CDK14: variants seen among roughly 807,000 people sequenced by gnomAD.
CDK14 encodes cyclin-dependent kinase 14.
Under a neutral mutation model 60.7 loss-of-function variants are expected in CDK14, and 34 were observed. That is an observed-to-expected ratio of 0.56 (90% CI 0.43 to 0.75). The LOEUF is 0.75. Among genes scored for constraint, CDK14 ranks in the 30% least tolerant of loss-of-function variants. The pLI is 0.00. For synonymous variants in CDK14, 197 were observed against 203.7 expected (o/e 0.97, Z 0.28); for missense variants, 482 against 564.1 (o/e 0.85, Z 1.47).
intron 4 of CDK14, among the ~76,000 whole-genome samples, chr7:90,771,160 A>G (rs1277301044): frequency 6.6e-6 from 1 of 152,124 alleles, no homozygotes; most frequent in Admixed American, 6.6e-5. Context: ...GTTGACCCTA[A>G]TCTTTCTTTC....
intron 10 of CDK14, among the ~76,000 whole-genome samples, chr7:91,037,370 C>A (rs1372674638): frequency 6.6e-6 from 1 of 152,104 alleles, no homozygotes; most frequent in Non-Finnish European, 1.5e-5. Flanking sequence ...TACATGTACA[C>A]CTGCATCACA....
intron 5 of CDK14, among the ~76,000 whole-genome samples, chr7:90,848,087 A>G (rs1790525254): frequency 6.6e-6 from 1 of 151,976 alleles, no homozygotes; most frequent in Admixed American, 6.6e-5. Context: ...GGGGTCTGTC[A>G]AGGCATAAGC....
At chr7:91,025,741 T>C (rs1378102961) in intron 10 of CDK14, among the ~76,000 whole-genome samples, 1 of 152,250 alleles carries the variant, frequency 6.6e-6, no homozygotes, top group African/African-American at 2.4e-5. Flanking sequence ...GTGCACTGCC[T>C]GTGCCTGTCT....
intron 5 of CDK14, among the ~76,000 whole-genome samples, chr7:90,831,485 G>A (rs1789908504): frequency 6.6e-6 from 1 of 152,144 alleles, no homozygotes; most frequent in African/African-American, 2.4e-5. Flanking sequence ...AGATTTGGGT[G>A]GAGACACAGA....
At chr7:91,066,028 C>T (rs970821690) in intron 11 of CDK14, among the ~76,000 whole-genome samples, 1 of 152,152 alleles carries the variant, frequency 6.6e-6, no homozygotes, top group African/African-American at 2.4e-5. Context: ...GATGATGAAG[C>T]GCCCTTCAGT....
intron 11 of CDK14, among the ~76,000 whole-genome samples, chr7:91,058,644 T>G: frequency 6.6e-6 from 1 of 152,258 alleles, no homozygotes; most frequent in Admixed American, 6.5e-5. Context: ...AGGCTTTTTC[T>G]GCATCTATTG....
At chr7:90,828,147 G>A (rs1789787952) in intron 5 of CDK14, among the ~76,000 whole-genome samples, 1 of 152,154 alleles carries the variant, frequency 6.6e-6, no homozygotes, top group African/African-American at 2.4e-5. Context: ...AAATAATTAT[G>A]TCTGTATTTA....
chr7:90,711,343 G>T (rs1477479071), intron 2 of CDK14, among the ~76,000 whole-genome samples: 3 of 151,960 alleles, frequency 2.0e-5, no homozygotes, highest in Non-Finnish European at 4.4e-5. Flanking sequence ...TCCAAAGATA[G>T]ATCAAATTTA....
intron 6 of CDK14, among the ~76,000 whole-genome samples, chr7:90,884,873 G>A (rs7788364): frequency 0.56 from 85,835 of 151,934 alleles, 24,503 homozygotes; most frequent in East Asian, 0.73. Flanking sequence ...GGAAAAACTG[G>A]CTAGCCATAT....
intron 12 of CDK14, among the ~76,000 whole-genome samples, chr7:91,110,843 C>T (rs2116347133): frequency 6.6e-6 from 1 of 152,198 alleles, no homozygotes; most frequent in East Asian, 1.9e-4. Context: ...ATGAACTGTA[C>T]ATTCAATATA....
chr7:91,106,944 T>C (rs1799320648), intron 12 of CDK14, among the ~76,000 whole-genome samples: 1 of 152,208 alleles, frequency 6.6e-6, no homozygotes, highest in Non-Finnish European at 1.5e-5. Flanking sequence ...AGGTGAACTA[T>C]AGAAAGTCAT....
chr7:90,672,924 T>C (rs1029685845), intron 2 of CDK14, among the ~76,000 whole-genome samples: 13 of 152,188 alleles, frequency 8.5e-5, no homozygotes, highest in African/African-American at 3.1e-4. Context: ...TGTTTTACTA[T>C]TACAGAGGAA....
chr7:90,680,489 A>T (rs1439007737), intron 2 of CDK14, among the ~76,000 whole-genome samples: 3 of 152,232 alleles, frequency 2.0e-5, no homozygotes, highest in African/African-American at 7.2e-5. Context: ...ATTTAAAGTC[A>T]TGATGTAAAA....
chr7:90,796,835 G>A (rs1788453390), intron 5 of CDK14, among the ~76,000 whole-genome samples: 1 of 151,884 alleles, frequency 6.6e-6, no homozygotes, highest in Non-Finnish European at 1.5e-5. Flanking sequence ...TAGTATATAT[G>A]TACCATGGTC....
At chr7:90,731,905 C>A (rs1165302109) in intron 3 of CDK14, among the ~76,000 whole-genome samples, 1 of 151,930 alleles carries the variant, frequency 6.6e-6, no homozygotes, top group South Asian at 2.1e-4. Flanking sequence ...AGAGGGCATC[C>A]TTGTCTTGTG....
chr7:90,710,494 T>C (rs1325187554), intron 2 of CDK14: 1 of 985,214 alleles, frequency 1.0e-6, no homozygotes, highest in Non-Finnish European at 1.2e-6. Flanking sequence ...TCCTCCCTGC[T>C]CATCCTATTT....
At chr7:91,150,424 G>A (rs1215639588) in intron 14 of CDK14, among the ~76,000 whole-genome samples, 1 of 152,030 alleles carries the variant, frequency 6.6e-6, no homozygotes, top group East Asian at 1.9e-4. Context: ...ATTTCAAACA[G>A]TTGTGATTTT....
chr7:90,948,160 A>G (rs1463355474), intron 8 of CDK14, among the ~76,000 whole-genome samples: 3 of 152,210 alleles, frequency 2.0e-5, no homozygotes, highest in African/African-American at 2.4e-5. Context: ...CAGCATCATT[A>G]TGGAAATTCA....
rs564269764 is a variant in CDK14, at chr7:90,811,958, C to T, written c.544+21306C>T. ...GTTAGAATTGCGATCATTAAAAAGT[C>T]AGGAAACAACAGGTGCTGGAGAGGA... is the stretch of plus-strand genomic sequence containing the variant. On this transcript the variant is annotated intron_variant, in intron 5 of 14. Transcript: ENST00000380050. Among the ~76,000 whole-genome samples, 583 of 152,286 alleles carry T rather than the reference C, an allele frequency of 3.8e-3. 3 individuals are homozygous for T. The highest frequency in any genetic ancestry group is 6.2e-3 in the Admixed American group (95 of 15,286).
Sources: gnomAD v4.1 joint callset for allele counts (sites outside exome capture counted in the v4.1 genomes callset) on GRCh38, gnomAD v4.1.1 for gene constraint, MANE v1.5 for transcripts, NCBI Gene and HGNC (gene_info 2026-07-23, HGNC 2026-07-21) for gene names.